Variants in ZNG1A observed in about 807,000 individuals in gnomAD.
The protein encoded by ZNG1A is zinc-regulated GTPase metalloprotein activator 1A.
chr9:144,535 A>G, the ZNG1A span, among the ~76,000 whole-genome samples: 4 of 152,134 alleles, frequency 2.6e-5, no homozygotes, highest in Non-Finnish European at 5.9e-5. Flanking sequence ...CACCTTATAC[A>G]AAAATCAATT....
At chr9:135,232 A>C in the ZNG1A span, among the ~76,000 whole-genome samples, 1 of 151,288 alleles carries the variant, frequency 6.6e-6, no homozygotes, top group Non-Finnish European at 1.5e-5. Context: ...TTTAAAAAAA[A>C]CCACACATTC....
the ZNG1A span, among the ~76,000 whole-genome samples, chr9:149,635 TC>T: frequency 6.7e-6 from 1 of 149,646 alleles, no homozygotes; most frequent in African/African-American, 2.5e-5. Flanking sequence ...TGCTTCTGTT[TC>T]CCCCCAATGA....
At chr9:168,729 A>G in the ZNG1A span, among the ~76,000 whole-genome samples, 1 of 146,632 alleles carries the variant, frequency 6.8e-6, no homozygotes, top group Admixed American at 6.7e-5. Context: ...ATCATTTACT[A>G]TCCTAAAAAT....
the ZNG1A span, among the ~76,000 whole-genome samples, chr9:169,154 T>C: frequency 0.017 from 2,581 of 152,222 alleles, 61 homozygotes; most frequent in African/African-American, 0.058. Flanking sequence ...TTAAGAACAT[T>C]TGTGATTCAT....
chr9:161,776 A>G, the ZNG1A span: 94 of 493,252 alleles, frequency 1.9e-4, no homozygotes, highest in South Asian at 1.5e-3. Flanking sequence ...AGTTAACAAA[A>G]ACATTCATAG....
At chr9:141,890 T>G in the ZNG1A span, among the ~76,000 whole-genome samples, 11 of 152,100 alleles carry the variant, frequency 7.2e-5, no homozygotes, top group Non-Finnish European at 1.6e-4. Flanking sequence ...GGGGTTGCAA[T>G]CCTAGTCTCT....
chr9:166,349 AG>A, the ZNG1A span: 1 of 148,122 alleles, frequency 6.8e-6, no homozygotes, highest in South Asian at 2.2e-4. Context: ...AGGGCTCAGG[AG>A]AAAAACAAAC....
the ZNG1A span, among the ~76,000 whole-genome samples, chr9:141,793 A>T: frequency 6.6e-6 from 1 of 152,268 alleles, no homozygotes; most frequent in East Asian, 1.9e-4. Context: ...TATTCAGGAA[A>T]CCCATCTCAC....
the ZNG1A span, among the ~76,000 whole-genome samples, chr9:144,924 C>A: frequency 6.6e-6 from 1 of 151,638 alleles, no homozygotes; most frequent in Non-Finnish European, 1.5e-5. Context: ...GACATTTATG[C>A]AGCCAAAAGA....
chr9:168,282 C>G, the ZNG1A span, among the ~76,000 whole-genome samples: 1 of 150,922 alleles, frequency 6.6e-6, no homozygotes, highest in Non-Finnish European at 1.5e-5. Context: ...GAGATGGAGT[C>G]TCGCTCTGTC....
the ZNG1A span, chr9:148,005 A>ACAGAGTGAGATTCTGTCTCAAAC: frequency 2.0e-5 from 3 of 150,942 alleles, no homozygotes; most frequent in Admixed American, 6.6e-5. Context: ...AACTTGGGGG[A>ACAGAGTGAGATTCTGTCTCAAAC]CAGAGTGAGA....
chr9:177,772 T>A, the ZNG1A span: 1 of 1,538,468 alleles, frequency 6.5e-7, no homozygotes, highest in Non-Finnish European at 8.8e-7. Flanking sequence ...AATACATTGT[T>A]TTGGACAAGA....
chr9:173,871 G>C, the ZNG1A span, among the ~76,000 whole-genome samples: 6 of 152,256 alleles, frequency 3.9e-5, no homozygotes, highest in African/African-American at 1.4e-4. Context: ...TTTTTGGCCA[G>C]TGTACCACGT....
At chr9:174,400 C>T in the ZNG1A span, among the ~76,000 whole-genome samples, 3 of 151,978 alleles carry the variant, frequency 2.0e-5, no homozygotes, top group South Asian at 4.2e-4. Context: ...TAATAAAGAG[C>T]TTCTAAAGAG....
At chr9:165,935 C>T in the ZNG1A span, 1 of 134,032 alleles carries the variant, frequency 7.5e-6, no homozygotes, top group Non-Finnish European at 1.6e-5. Flanking sequence ...ACCCCTACCT[C>T]CAATAAGAGG....
the ZNG1A span, chr9:172,508 T>C: frequency 9.7e-6 from 2 of 206,690 alleles, no homozygotes; most frequent in Non-Finnish European, 2.0e-5. Context: ...GTATTAACTA[T>C]AGTAGTTTAA....
chr9:166,031 G>A, the ZNG1A span: 4 of 147,306 alleles, frequency 2.7e-5, no homozygotes, highest in African/African-American at 1.0e-4. Flanking sequence ...GAATGAATAA[G>A]CAACACAAGG....
the ZNG1A span, chr9:156,352 A>C: frequency 2.8e-5 from 37 of 1,304,392 alleles, no homozygotes; most frequent in South Asian, 5.0e-4. Flanking sequence ...AATTCAACTA[A>C]GGGAAAAAAA....
chr9:163,476 G>A, the ZNG1A span, among the ~76,000 whole-genome samples: 4,330 of 151,982 alleles, frequency 0.028, 26 homozygotes, highest in African/African-American at 0.099. Flanking sequence ...GAGTGACATC[G>A]AGTTCCACCA....
Sources: allele counts gnomAD v4.1 joint callset (sites outside exome capture counted in the v4.1 genomes callset), GRCh38; gene constraint gnomAD v4.1.1; transcripts MANE v1.5; gene names NCBI Gene and HGNC (gene_info 2026-07-23, HGNC 2026-07-21).